The following CD207 variants were observed in gnomAD, a reference collection of about 807,000 sequenced individuals.
The protein encoded by CD207 is C-type lectin domain family 4 member K.
CD207 carries 28 observed loss-of-function variants against 31.6 expected under a neutral mutation model. The observed-to-expected ratio is 0.89, with a 90% CI of 0.66 to 1.21. The LOEUF is 1.21. Ranked by LOEUF, CD207 falls within the 50% of genes most tolerant of loss-of-function variation. The pLI, the probability that CD207 is intolerant of heterozygous loss-of-function variation, is 0.00. For synonymous variants in CD207, 168 were observed against 153.9 expected, an observed-to-expected ratio of 1.09 and a Z score of -0.68; for missense variants, 388 against 397.8, an observed-to-expected ratio of 0.98 and a Z score of 0.21.
chr2:70,828,674 CT>C (rs199616634), downstream of CD207, among the ~76,000 whole-genome samples: 1 of 151,360 alleles, frequency 6.6e-6, no homozygotes, highest in Admixed American at 6.6e-5. Flanking sequence ...GCAGTCACTT[CT>C]TTTTTTTTGA....
At chr2:70,832,446 G>A (rs72836213) in intron 4 of CD207, among the ~76,000 whole-genome samples, 3,152 of 152,290 alleles carry the variant, frequency 0.021, 37 homozygotes, top group Non-Finnish European at 0.029. Flanking sequence ...AATCATTAAG[G>A]CTGTTCACAA....
chr2:70,833,974 C>A lies in CD207; in HGVS notation c.237G>T (p.Gln79His). 1 of 1,535,052 alleles carries A rather than the reference C, an allele frequency of 6.5e-7. No individual in the cohort carries two copies. Among genetic ancestry groups the A allele is most frequent in the South Asian group, 1.3e-5 (1 of 75,570 alleles). The change falls in exon 3 of 6, where the codon CAG (glutamine) becomes CAT (histidine). Residue 79 changes from glutamine to histidine, a missense_variant. Gln to His is a conservative substitution (Grantham distance 24, BLOSUM62 0). Coordinates refer to ENST00000410009, the MANE Select transcript of CD207 (RefSeq NM_015717.5). ...TGTTGTCCACACGACCTTTCAGCAA[C>A]TGGACATTGGTCTTTACATCTGATA... ...GTISDVKTNV[Q>H]LLKGRVDNIS...
At chr2:70,826,499 C>A (rs1290778518), downstream of CD207, among the ~76,000 whole-genome samples, 3 of 152,202 alleles carry the variant, frequency 2.0e-5, no homozygotes, top group African/African-American at 7.2e-5. Context: ...ACCTCAGCCT[C>A]CCAAGAGCTA....
rs782395040 is a variant in CD207, at chr2:70,831,180, G to A, written c.857C>T (p.Pro286Leu). The change falls in exon 6 of 6, where the codon CCC becomes CTC. Residue 286 changes from proline to leucine, a missense_variant. Transcript: ENST00000410009. ...GTGTTCATTGTTCCCAGCATTGTTGGGCTCACCTGGAATCCAGAACCTACC... is the reference window on the plus strand; with the variant it reads ...GTGTTCATTGTTCCCAGCATTGTTGAGCTCACCTGGAATCCAGAACCTACC... The part of the protein sequence containing the change: ...QSVRFWIPGE[P>L]NNAGNNEHCG... 3.1e-6 allele frequency: 5 copies of A among 1,613,638 alleles called. No individual in the cohort carries two copies. The highest frequency in any genetic ancestry group is 2.2e-5 in the East Asian group (1 of 44,886).
At chr2:70,829,818 C>T (rs1553399369), downstream of CD207, among the ~76,000 whole-genome samples, 3 of 152,246 alleles carry the variant, frequency 2.0e-5, no homozygotes, top group Non-Finnish European at 4.4e-5. Context: ...ACCCTCCTCT[C>T]CTCTCTGTGG....
downstream of CD207, among the ~76,000 whole-genome samples, chr2:70,826,693 G>A (rs1574390678): frequency 2.6e-5 from 4 of 152,306 alleles, no homozygotes; most frequent in Admixed American, 2.6e-4. Context: ...AAGGAAGGCT[G>A]TAAGTGCTAG....
downstream of CD207, among the ~76,000 whole-genome samples, chr2:70,829,610 G>C (rs13414647): frequency 2.0e-5 from 3 of 152,128 alleles, no homozygotes; most frequent in Non-Finnish European, 2.9e-5. Flanking sequence ...CTGGTGAGAG[G>C]CAGGGAACTC....
In CD207 at chr2:70,830,899, G is replaced by A. The variant is rs1264771531; in HGVS notation, c.*151C>T. ...AAGACGTCAGAGAATTTCCAGCCAA[G>A]ACAGACGGACTCCAGAATGCCACTG... On this transcript the variant is annotated 3_prime_UTR_variant, in exon 6 of 6. Coordinates refer to ENST00000410009, the MANE Select transcript of CD207 (RefSeq NM_015717.5). 4 of 668,026 alleles carry A rather than the reference G, an allele frequency of 6.0e-6. No individual in the cohort carries two copies. The African/African-American group carries it at 7.3e-5, about 12-fold the overall frequency. 41.4% of individuals were successfully genotyped at this position (668,026 alleles called of 1,614,324 possible).
At chr2:70,827,774 CAA>C, downstream of CD207, among the ~76,000 whole-genome samples, 1 of 150,468 alleles carries the variant, frequency 6.6e-6, no homozygotes, top group South Asian at 2.1e-4. Context: ...GAGAGAATGA[CAA>C]AGAGAAAATG....
rs782508172 is a variant in CD207 at position 70,831,211 on chromosome 2, CG to C, written c.837-12del. On this transcript the variant is annotated splice_polypyrimidine_tract_variant and intron_variant, in intron 5 of 5. Transcript: ENST00000410009. ...CCTGGAATCCAGAACCTACCAAGAGCGGGGAAAAAGATGGATTTACAAAGTG... is the reference window on the plus strand; with the variant it reads ...CCTGGAATCCAGAACCTACCAAGAGCGGGAAAAAGATGGATTTACAAAGTG... 11 of 1,590,678 alleles carry C rather than the reference CG, an allele frequency of 6.9e-6. No homozygotes were observed. In the East Asian group the frequency reaches 2.2e-4, roughly 32 times the overall value.
intron 3 of CD207, 66 bp downstream of exon 3, chr2:70,833,580 G>A (rs1677530260): frequency 6.7e-7 from 1 of 1,489,546 alleles, no homozygotes; most frequent in African/African-American, 1.4e-5. Flanking sequence ...AATGGCCTCA[G>A]GTCTGGGACA....
Position 70,833,861 on chromosome 2 carries a change from C to A in CD207, c.350G>T (p.Gly117Val). 6.2e-7 allele frequency: 1 copy of A among 1,613,674 alleles called. No homozygotes were observed. The highest frequency in any genetic ancestry group is 8.5e-7 in the Non-Finnish European group (1 of 1,179,642). The change falls in exon 3 of 6, where the codon GGT (glycine) becomes GTT (valine). Residue 117 changes from glycine (G) to valine (V), a missense_variant. Physicochemically the swap from Gly to Val is moderately radical, Grantham distance 109. Coordinates refer to ENST00000410009, the MANE Select transcript of CD207 (RefSeq NM_015717.5). ...CTTCAGGAACTGAGAACGCACATAACCCAGGCTCTCATTCACCATCTGGAT... is the reference window on the plus strand; with the variant it reads ...CTTCAGGAACTGAGAACGCACATAAACCAGGCTCTCATTCACCATCTGGAT... Reference protein sequence around the residue: ...VQIQMVNESLGYVRSQFLKLK... With the variant: ...VQIQMVNESLVYVRSQFLKLK...
chr2:70,835,330 G>A (rs1038358008), intron 2 of CD207, among the ~76,000 whole-genome samples, 161 bp downstream of exon 2: 1 of 152,004 alleles, frequency 6.6e-6, no homozygotes, highest in Non-Finnish European at 1.5e-5. Flanking sequence ...CGTACTGGGG[G>A]CAGCACAGCC....
chr2:70,824,455 T>C, the CD207 span, among the ~76,000 whole-genome samples: 5 of 151,842 alleles, frequency 3.3e-5, no homozygotes, highest in African/African-American at 9.7e-5. Flanking sequence ...GATGTTCAAA[T>C]AGCAACAGCC....
At chr2:70,831,223 T>C in intron 5 of CD207, 23 bp from the exon 6 acceptor site, 4 of 1,589,222 alleles carry the variant, frequency 2.5e-6, no homozygotes, top group Non-Finnish European at 3.4e-6. Context: ...GGGAAAAAGA[T>C]GGATTTACAA....
intron 4 of CD207, 92 bp downstream of exon 4, chr2:70,832,808 G>A: frequency 8.1e-7 from 1 of 1,237,882 alleles, no homozygotes; most frequent in South Asian, 1.6e-5. Flanking sequence ...TCAATATTTG[G>A]GGATTTTTGT....
chr2:70,827,038 C>T (rs539971562), downstream of CD207, among the ~76,000 whole-genome samples: 1 of 152,142 alleles, frequency 6.6e-6, no homozygotes, highest in Non-Finnish European at 1.5e-5. Flanking sequence ...TGCTTCACCT[C>T]ACACCACACT....
At chr2:70,834,376 C>G (rs1451070227) in intron 2 of CD207, among the ~76,000 whole-genome samples, 1 of 152,114 alleles carries the variant, frequency 6.6e-6, no homozygotes. Flanking sequence ...AGCCCCACCA[C>G]TGTCCCCAGA....
intron 4 of CD207, among the ~76,000 whole-genome samples, chr2:70,832,365 C>A (rs577457586): frequency 1.3e-5 from 2 of 152,324 alleles, no homozygotes; most frequent in South Asian, 4.2e-4. Flanking sequence ...GCTCTGCTAT[C>A]CCACCTCCCA....
Sources: gnomAD v4.1 joint callset for allele counts (sites outside exome capture counted in the v4.1 genomes callset) on GRCh38, gnomAD v4.1.1 for gene constraint, MANE v1.5 for transcripts, NCBI Gene and HGNC (gene_info 2026-07-23, HGNC 2026-07-21) for gene names.